Variants in PIP5K1B observed in about 807,000 individuals in gnomAD.
PIP5K1B encodes phosphatidylinositol-4-phosphate 5-kinase type 1 beta.
In PIP5K1B, 42 loss-of-function variants were observed where a neutral mutation model predicts 67.0. The ratio of observed to expected loss-of-function variants is 0.63; its 90% CI spans 0.49 to 0.81. The LOEUF (loss-of-function observed/expected upper bound fraction) is 0.81. Among genes scored for constraint, PIP5K1B ranks in the 30% least tolerant of loss-of-function variants. The probability of loss-of-function intolerance (pLI) is 0.00; values close to 1 mark genes in which losing one functional copy is unlikely to be tolerated. For synonymous variants in PIP5K1B, 214 were observed against 231.4 expected, an observed-to-expected ratio of 0.92 and a Z score of 0.68; for missense variants, 459 against 646.3, an observed-to-expected ratio of 0.71 and a Z score of 3.14.
intron 14 of PIP5K1B, among the ~76,000 whole-genome samples, chr9:68,980,876 G>A (rs1829855955): frequency 6.6e-6 from 1 of 152,138 alleles, no homozygotes; most frequent in South Asian, 2.1e-4. Flanking sequence ...GCAAAAAAAA[G>A]ACTCCATTTA....
chr9:68,844,451 G>A (rs1158956081), intron 4 of PIP5K1B, among the ~76,000 whole-genome samples: 1 of 152,150 alleles, frequency 6.6e-6, no homozygotes, highest in Non-Finnish European at 1.5e-5. Flanking sequence ...GCCAATAATC[G>A]TGCATTTGGG....
chr9:68,964,425 T>C (rs1240656441), intron 14 of PIP5K1B, among the ~76,000 whole-genome samples: 1 of 152,212 alleles, frequency 6.6e-6, no homozygotes, highest in East Asian at 1.9e-4. Flanking sequence ...TATTAATACA[T>C]TGAACTTTGA....
At chr9:68,968,719 T>A (rs996859566) in intron 14 of PIP5K1B, among the ~76,000 whole-genome samples, 1 of 150,416 alleles carries the variant, frequency 6.6e-6, no homozygotes, top group African/African-American at 2.5e-5. Flanking sequence ...ATATATATTT[T>A]TTTTTTGCAT....
intron 4 of PIP5K1B, among the ~76,000 whole-genome samples, chr9:68,840,377 CAA>C (rs962426623): frequency 1.7e-4 from 18 of 108,540 alleles, no homozygotes; most frequent in Admixed American, 5.8e-4. Flanking sequence ...AACTCCATCT[CAA>C]AAAAAAAAAA....
At chr9:68,713,995 C>A (rs1448618021) in intron 1 of PIP5K1B, among the ~76,000 whole-genome samples, 1 of 152,230 alleles carries the variant, frequency 6.6e-6, no homozygotes, top group Non-Finnish European at 1.5e-5. Context: ...CACAAAGGTT[C>A]TAGCCCTGGC....
intron 14 of PIP5K1B, among the ~76,000 whole-genome samples, chr9:68,946,747 T>C (rs1318099055): frequency 3.3e-5 from 5 of 152,140 alleles, no homozygotes; most frequent in Admixed American, 6.5e-5. Context: ...CAGACCTTCC[T>C]ACCCCCACCA....
chr9:68,867,288 T>C (rs1823408142), intron 5 of PIP5K1B, among the ~76,000 whole-genome samples: 1 of 152,246 alleles, frequency 6.6e-6, no homozygotes, highest in African/African-American at 2.4e-5. Flanking sequence ...GGTGCCGGCC[T>C]CAACATTTGA....
intron 12 of PIP5K1B, among the ~76,000 whole-genome samples, chr9:68,925,175 T>G (rs996104893): frequency 9.9e-5 from 15 of 152,212 alleles, no homozygotes; most frequent in African/African-American, 3.6e-4. Flanking sequence ...GTATTGGGCA[T>G]TTACATTGTT....
intron 12 of PIP5K1B, among the ~76,000 whole-genome samples, chr9:68,933,984 T>C (rs1405745167): frequency 6.6e-6 from 1 of 152,144 alleles, no homozygotes; most frequent in East Asian, 1.9e-4. Flanking sequence ...TACCCCTTTA[T>C]GCAAACTTCT....
intron 4 of PIP5K1B, among the ~76,000 whole-genome samples, chr9:68,860,019 G>A (rs1822981019): frequency 6.6e-6 from 1 of 152,112 alleles, no homozygotes; most frequent in African/African-American, 2.4e-5. Context: ...TTGAGGTAGT[G>A]TGCATTTCCT....
chr9:69,005,004 T>C (rs190672736), intron 15 of PIP5K1B, among the ~76,000 whole-genome samples: 1 of 152,234 alleles, frequency 6.6e-6, no homozygotes, highest in Admixed American at 6.5e-5. Flanking sequence ...AGAATTACAT[T>C]ACAACATGGG....
At chr9:68,987,062 G>A (rs1830124211) in intron 14 of PIP5K1B, among the ~76,000 whole-genome samples, 1 of 152,138 alleles carries the variant, frequency 6.6e-6, no homozygotes, top group Non-Finnish European at 1.5e-5. Flanking sequence ...AGACCAGCCT[G>A]GCCAATATGG....
chr9:68,860,937 C>T (rs1382084797), intron 4 of PIP5K1B, among the ~76,000 whole-genome samples: 2 of 152,128 alleles, frequency 1.3e-5, no homozygotes, highest in South Asian at 2.1e-4. Flanking sequence ...GAGTGCCTAC[C>T]TCATACAGTC....
chr9:68,942,686 A>G (rs1002297248), intron 14 of PIP5K1B, among the ~76,000 whole-genome samples: 3 of 152,194 alleles, frequency 2.0e-5, no homozygotes, highest in Non-Finnish European at 4.4e-5. Flanking sequence ...TGACTAGCAT[A>G]TAGATTTGGA....
intron 6 of PIP5K1B, among the ~76,000 whole-genome samples, chr9:68,877,908 A>G (rs968758791): frequency 6.6e-6 from 1 of 152,084 alleles, no homozygotes; most frequent in African/African-American, 2.4e-5. Flanking sequence ...TGCTGCCCTT[A>G]AATGTATATA....
intron 15 of PIP5K1B, 92 bp downstream of exon 15, chr9:68,991,349 G>T: frequency 2.8e-6 from 2 of 712,598 alleles, no homozygotes; most frequent in Non-Finnish European, 5.1e-6. Context: ...ATAAAACCAG[G>T]CATGCTTGGG....
chr9:68,830,443 C>CA (rs1322691024), intron 4 of PIP5K1B, among the ~76,000 whole-genome samples: 1 of 1,096 alleles, frequency 9.1e-4, no homozygotes, highest in East Asian at 0.016. Context: ...AGCGAGCCAA[C>CA]CCTCTCATTA....
At chr9:68,908,367 A>G (rs1825711525) in intron 8 of PIP5K1B, among the ~76,000 whole-genome samples, 1 of 152,016 alleles carries the variant, frequency 6.6e-6, no homozygotes, top group African/African-American at 2.4e-5. Flanking sequence ...ACACACACAC[A>G]TACACACACA....
chr9:68,996,793 G>C (rs1830618118), intron 15 of PIP5K1B, among the ~76,000 whole-genome samples: 1 of 152,320 alleles, frequency 6.6e-6, no homozygotes, highest in Admixed American at 6.5e-5. Flanking sequence ...GAATGGCTGG[G>C]TAAGTGGGAG....
Sources: gnomAD v4.1 joint callset for allele counts (sites outside exome capture counted in the v4.1 genomes callset) on GRCh38, gnomAD v4.1.1 for gene constraint, MANE v1.5 for transcripts, NCBI Gene and HGNC (gene_info 2026-07-23, HGNC 2026-07-21) for gene names.